NREP: variants seen among roughly 807,000 people sequenced by gnomAD.
The protein encoded by NREP is neuronal regeneration-related protein.
A neutral mutation model predicts 8.6 loss-of-function variants in NREP; 5 were observed. That is an observed-to-expected ratio of 0.58 (90% CI 0.30 to 1.22). NREP has a LOEUF of 1.22. Among genes scored for constraint, NREP ranks in the 50% most tolerant of loss-of-function variants. The probability of loss-of-function intolerance (pLI) is 0.07; values close to 1 mark genes in which losing one functional copy is unlikely to be tolerated. For missense variants in NREP, 86 were observed against 82.5 expected (o/e 1.04, Z -0.17); for synonymous variants, 27 against 28.0 (o/e 0.96, Z 0.11).
chr5:111,832,724 A>T (rs1752802394), intron 2 of NREP, among the ~76,000 whole-genome samples: 1 of 152,228 alleles, frequency 6.6e-6, no homozygotes, highest in Non-Finnish European at 1.5e-5. Context: ...CAACAGGGGA[A>T]GGTCTCAGCT....
chr5:111,911,168 G>A (rs1440312571), intron 2 of NREP, among the ~76,000 whole-genome samples: 1 of 151,898 alleles, frequency 6.6e-6, no homozygotes, highest in Non-Finnish European at 1.5e-5. Context: ...CAGTGTTCTG[G>A]ATATCACCCC....
intron 2 of NREP, among the ~76,000 whole-genome samples, chr5:111,790,702 G>A (rs1751724161): frequency 6.6e-6 from 1 of 152,126 alleles, no homozygotes; most frequent in African/African-American, 2.4e-5. Flanking sequence ...ATTTATGGTA[G>A]AGCCATATAT....
At chr5:111,921,287 T>C (rs989616387) in intron 2 of NREP, among the ~76,000 whole-genome samples, 1 of 152,070 alleles carries the variant, frequency 6.6e-6, no homozygotes, top group Non-Finnish European at 1.5e-5. Flanking sequence ...CTAGCGTTCC[T>C]CCTGAAGTCG....
chr5:111,959,749 T>A (rs1006797753), intron 2 of NREP, among the ~76,000 whole-genome samples: 2 of 152,076 alleles, frequency 1.3e-5, no homozygotes, highest in Non-Finnish European at 2.9e-5. Context: ...CAATTTATCA[T>A]CATTTCTATT....
At chr5:111,899,582 C>G (rs1754593213) in intron 2 of NREP, among the ~76,000 whole-genome samples, 1 of 152,074 alleles carries the variant, frequency 6.6e-6, no homozygotes, top group Non-Finnish European at 1.5e-5. Context: ...ATAACATGAG[C>G]AAGTCCTCAT....
At chr5:111,936,422 C>T (rs1020684237) in intron 2 of NREP, among the ~76,000 whole-genome samples, 13 of 152,044 alleles carry the variant, frequency 8.6e-5, no homozygotes, top group Non-Finnish European at 1.9e-4. Flanking sequence ...TTTCCTGAGA[C>T]CTATCCAGCC....
chr5:111,862,494 A>G (rs1056477544), intron 2 of NREP, among the ~76,000 whole-genome samples: 8 of 152,276 alleles, frequency 5.3e-5, no homozygotes, highest in African/African-American at 1.9e-4. Flanking sequence ...CCCTCAAGGC[A>G]GCAATATTGG....
chr5:111,794,299 C>A (rs537541549), intron 2 of NREP, among the ~76,000 whole-genome samples: 1 of 152,260 alleles, frequency 6.6e-6, no homozygotes, highest in East Asian at 1.9e-4. Flanking sequence ...GCTATACAGT[C>A]CAGCAAATGG....
intron 2 of NREP, among the ~76,000 whole-genome samples, chr5:111,952,410 T>C (rs949432051): frequency 1.3e-5 from 2 of 152,152 alleles, no homozygotes; most frequent in Admixed American, 1.3e-4. Flanking sequence ...TGGAAAGAAA[T>C]CTGCTTTTTA....
At chr5:111,858,490 C>G (rs1753473694) in intron 2 of NREP, among the ~76,000 whole-genome samples, 1 of 152,022 alleles carries the variant, frequency 6.6e-6, no homozygotes. Flanking sequence ...ATGAAGAAAT[C>G]TAGACAAAAA....
chr5:111,893,069 G>A (rs190852660), intron 2 of NREP, among the ~76,000 whole-genome samples: 17 of 152,296 alleles, frequency 1.1e-4, no homozygotes, highest in Admixed American at 9.2e-4. Flanking sequence ...TCCAGCTCAG[G>A]CAGAAAAGTT....
At chr5:111,872,725 A>C (rs1753817817) in intron 2 of NREP, among the ~76,000 whole-genome samples, 2 of 152,182 alleles carry the variant, frequency 1.3e-5, no homozygotes, top group East Asian at 1.9e-4. Flanking sequence ...TTGGCCCTGC[A>C]TACTGGTAAC....
At chr5:111,926,564 G>C (rs1453174559) in intron 2 of NREP, among the ~76,000 whole-genome samples, 1 of 151,998 alleles carries the variant, frequency 6.6e-6, no homozygotes, top group African/African-American at 2.4e-5. Flanking sequence ...AGGTTTGTCT[G>C]TCCCCAAGCT....
intron 2 of NREP, among the ~76,000 whole-genome samples, chr5:111,864,780 G>A (rs371667359): frequency 2.8e-4 from 43 of 152,008 alleles, no homozygotes; most frequent in Middle Eastern, 3.4e-3. Flanking sequence ...TGGAAATATC[G>A]TACCTATCAA....
chr5:111,953,961 T>C (rs558416308), intron 2 of NREP, among the ~76,000 whole-genome samples: 1 of 152,142 alleles, frequency 6.6e-6, no homozygotes, highest in Non-Finnish European at 1.5e-5. Context: ...AGTATCAGCA[T>C]GTTTAACATG....
chr5:111,867,000 TG>T (rs1336160641), intron 2 of NREP, among the ~76,000 whole-genome samples: 2 of 115,256 alleles, frequency 1.7e-5, no homozygotes. Flanking sequence ...TGTTGTGGGG[TG>T]GGGGGAAGGG....
chr5:111,778,288 GACA>G (rs1417606508), intron 2 of NREP, among the ~76,000 whole-genome samples: 1 of 152,096 alleles, frequency 6.6e-6, no homozygotes, highest in Non-Finnish European at 1.5e-5. Context: ...GAGATTTATT[GACA>G]ACATCAATGC....
Position 111,792,133 on chromosome 5 carries a change from T to C in NREP, c.136-56626A>G, listed in dbSNP as rs199641566. 5.9e-5 allele frequency among the ~76,000 whole-genome samples: 9 copies of C among 152,320 alleles called. No individual in the cohort carries two copies. The East Asian group carries it at 1.7e-3, about 29-fold the overall frequency. On this transcript the variant is annotated intron_variant, in intron 2 of 3. Coordinates refer to the NREP transcript ENST00000395634. ...ACAAATATATTAGAATATGTATATTTTGACAGGCTGACAATAAGAAATTCA... is the reference window on the plus strand; with the variant it reads ...ACAAATATATTAGAATATGTATATTCTGACAGGCTGACAATAAGAAATTCA...
chr5:111,748,400 T>C (rs766521314), intron 2 of NREP, among the ~76,000 whole-genome samples: 4 of 152,144 alleles, frequency 2.6e-5, no homozygotes, highest in Non-Finnish European at 4.4e-5. Context: ...CCATGACTCA[T>C]TGTATGATAC....
Sources: allele counts gnomAD v4.1 joint callset (sites outside exome capture counted in the v4.1 genomes callset), GRCh38; gene constraint gnomAD v4.1.1; transcripts MANE v1.5; gene names NCBI Gene and HGNC (gene_info 2026-07-23, HGNC 2026-07-21).